The following HP1BP3 variants were observed in gnomAD, a reference collection of about 807,000 sequenced individuals.
HP1BP3 encodes the protein heterochromatin protein 1-binding protein 3.
A neutral mutation model predicts 62.5 loss-of-function variants in HP1BP3; 12 were observed. The ratio of observed to expected loss-of-function variants is 0.19; its 90% CI spans 0.12 to 0.31. The LOEUF (loss-of-function observed/expected upper bound fraction) is 0.31, where lower values mean the gene tolerates loss of function less well. Among genes scored for constraint, HP1BP3 ranks in the 10% least tolerant of loss-of-function variants. The pLI is 1.00. For synonymous variants in HP1BP3, 260 were observed against 237.8 expected, an observed-to-expected ratio of 1.09 and a Z score of -0.86; for missense variants, 502 against 651.8, an observed-to-expected ratio of 0.77 and a Z score of 2.50.
chr1:20,744,455 C>A lies in HP1BP3; in HGVS notation c.*342G>T, dbSNP rs1174332613. On this transcript the variant is annotated 3_prime_UTR_variant, in exon 13 of 13. Transcript: ENST00000438032. ...CTTTCTACAAATATAAAAATCTCTG[C>A]AACTGTTTAGATAAAATTGGAAGAA... is the stretch of plus-strand genomic sequence containing the variant. 3.4e-5 allele frequency: 7 copies of A among 206,884 alleles called. No homozygotes were observed. The highest frequency in any genetic ancestry group is 6.8e-5 in the Non-Finnish European group (7 of 103,680). The allele number at this position is 206,884 out of a possible 1,614,324, so 12.8% of individuals were successfully genotyped here.
At chr1:20,781,672 G>C (rs1311738994) in intron 1 of HP1BP3, among the ~76,000 whole-genome samples, 3 of 152,136 alleles carry the variant, frequency 2.0e-5, no homozygotes, top group Admixed American at 6.5e-5. Context: ...TGTTGCCCAG[G>C]CTGGAGTGCG....
At chr1:20,745,827 T>C (rs1016991409) in intron 11 of HP1BP3, among the ~76,000 whole-genome samples, 171 bp from the exon 12 acceptor site, 8 of 152,204 alleles carry the variant, frequency 5.3e-5, no homozygotes, top group African/African-American at 1.9e-4. Flanking sequence ...AACATACATA[T>C]AAAGTTATGC....
chr1:20,749,601 C>T, intron 10 of HP1BP3, 122 bp downstream of exon 10: 2 of 894,748 alleles, frequency 2.2e-6, no homozygotes, highest in Non-Finnish European at 1.7e-6. Context: ...CCTCGTGATC[C>T]ACCCGCCTCA....
chr1:20,764,682 T>C (rs1482901595), intron 8 of HP1BP3, among the ~76,000 whole-genome samples: 1 of 134,884 alleles, frequency 7.4e-6, no homozygotes, highest in African/African-American at 2.8e-5. Context: ...AAGATAAGAT[T>C]TGGGTTTGGA....
At position 20,750,773 on chromosome 1, in the gene HP1BP3, G is replaced by T. The variant is rs114631712; in HGVS notation, c.982-891C>A. ...AGATGACAAGGATAAAGACATGTACGATCATCCACTTCCACTTAATGAACA... is the reference window on the plus strand; with the variant it reads ...AGATGACAAGGATAAAGACATGTACTATCATCCACTTCCACTTAATGAACA... On this transcript the variant is annotated intron_variant, in intron 9 of 12. Transcript: ENST00000438032. Among the ~76,000 whole-genome samples, 12 of 149,058 alleles carry T rather than the reference G, an allele frequency of 8.1e-5. 1 individual carries two copies. The highest frequency in any genetic ancestry group is 3.0e-4 in the African/African-American group (12 of 40,340).
intron 10 of HP1BP3, among the ~76,000 whole-genome samples, chr1:20,749,361 C>CTTTTTT (rs11377726): frequency 8.6e-5 from 12 of 138,882 alleles, no homozygotes; most frequent in African/African-American, 1.6e-4. Context: ...CTTTTCTTTT[C>CTTTTTT]TTTTCTTTTT....
intron 3 of HP1BP3, 90 bp from the exon 4 acceptor site, chr1:20,776,840 G>A (rs2057325761): frequency 3.7e-6 from 4 of 1,084,800 alleles, no homozygotes; most frequent in Non-Finnish European, 5.1e-6. Flanking sequence ...AAACGGACCA[G>A]CCAAAGTCTC....
At chr1:20,749,672 TCAAAAGAAAA>T in intron 10 of HP1BP3, 41 bp downstream of exon 10, 1 of 1,548,970 alleles carries the variant, frequency 6.5e-7, no homozygotes, top group African/African-American at 1.4e-5. Context: ...CACGGTTTTT[TCAAAAGAAAA>T]TTCTCCTAAT....
At chr1:20,763,683 G>A (rs2056612496) in intron 8 of HP1BP3, among the ~76,000 whole-genome samples, 1 of 152,194 alleles carries the variant, frequency 6.6e-6, no homozygotes, top group African/African-American at 2.4e-5. Context: ...ATATCTGCAT[G>A]AATCTACAAC....
intron 8 of HP1BP3, among the ~76,000 whole-genome samples, chr1:20,761,174 A>G (rs557351291): frequency 1.4e-4 from 22 of 152,092 alleles, no homozygotes; most frequent in Non-Finnish European, 2.4e-4. Flanking sequence ...CCTCTTGAGT[A>G]GCTGGAACTA....
intron 2 of HP1BP3, 134 bp downstream of exon 2, chr1:20,780,211 A>C (rs1485553055): frequency 1.5e-6 from 1 of 669,354 alleles, no homozygotes; most frequent in East Asian, 2.7e-5. Flanking sequence ...AGATGAAAAG[A>C]ATCTGATTTT....
rs977863666 is a variant in HP1BP3 at position 20,743,453 on chromosome 1, G to A, written c.*1344C>T. The A allele has an allele frequency of 1.3e-5, 2 of 152,240 alleles. No individual in the cohort carries two copies. The highest frequency in any genetic ancestry group is 4.8e-5 in the African/African-American group (2 of 41,504). 9.4% of individuals were successfully genotyped at this position (152,240 alleles called of 1,614,324 possible). On this transcript the variant is annotated 3_prime_UTR_variant, in exon 13 of 13. Coordinates refer to ENST00000438032, the MANE Select transcript of HP1BP3 (RefSeq NM_001372052.1). ...CTGAGGTGAGTGGATCACGAGGTCA[G>A]GAGATCGAGACCATCCTGGCTAACA...
chr1:20,755,581 A>C (rs10916856), intron 9 of HP1BP3, among the ~76,000 whole-genome samples: 63,246 of 151,830 alleles, frequency 0.42, 13,474 homozygotes, highest in African/African-American at 0.44. Flanking sequence ...TCTCAAAACA[A>C]AACAAAACGA....
chr1:20,755,063 G>C (rs1212217327), intron 9 of HP1BP3, among the ~76,000 whole-genome samples: 1 of 152,174 alleles, frequency 6.6e-6, no homozygotes, highest in Admixed American at 6.5e-5. Flanking sequence ...ATGAATTCTT[G>C]TTAACGAATA....
At chr1:20,776,775 G>T in intron 3 of HP1BP3, 25 bp from the exon 4 acceptor site, 1 of 1,599,174 alleles carries the variant, frequency 6.3e-7, no homozygotes, top group Non-Finnish European at 8.5e-7. Flanking sequence ...GAGCAGAATT[G>T]CATAAGCAGA....
chr1:20,754,777 C>CA (rs1298466681), intron 9 of HP1BP3, among the ~76,000 whole-genome samples: 1 of 152,012 alleles, frequency 6.6e-6, no homozygotes, highest in Non-Finnish European at 1.5e-5. Flanking sequence ...CACCCACATG[C>CA]AAAAAGATAA....
intron 7 of HP1BP3, among the ~76,000 whole-genome samples, chr1:20,766,908 A>C (rs1191215268): frequency 1.3e-5 from 2 of 152,170 alleles, no homozygotes; most frequent in Non-Finnish European, 2.9e-5. Context: ...GTGCCACTGC[A>C]CTCCAGCCCG....
intron 1 of HP1BP3, among the ~76,000 whole-genome samples, chr1:20,785,602 C>A (rs1280234263): frequency 1.3e-5 from 2 of 152,258 alleles, no homozygotes; most frequent in South Asian, 2.1e-4. Context: ...CTGTTTTGGG[C>A]ATAGATACTA....
intron 8 of HP1BP3, among the ~76,000 whole-genome samples, chr1:20,758,527 T>G (rs1280047137): frequency 6.6e-6 from 1 of 152,148 alleles, no homozygotes; most frequent in Non-Finnish European, 1.5e-5. Flanking sequence ...TTTGTACTTT[T>G]AGTAAAGACG....
Sources: gnomAD v4.1 joint callset for allele counts (sites outside exome capture counted in the v4.1 genomes callset) on GRCh38, gnomAD v4.1.1 for gene constraint, MANE v1.5 for transcripts, NCBI Gene and HGNC (gene_info 2026-07-23, HGNC 2026-07-21) for gene names.